SLC2A13: variants seen among roughly 807,000 people sequenced by gnomAD.
SLC2A13 encodes proton myo-inositol cotransporter.
SLC2A13 carries 32 observed loss-of-function variants against 64.4 expected under a neutral mutation model. The observed-to-expected ratio is 0.50, with a 90% CI of 0.37 to 0.67. SLC2A13 has a LOEUF of 0.67. SLC2A13 is among the 30% of genes least tolerant of loss of function. SLC2A13 has a pLI of 0.00. For missense variants in SLC2A13, 743 were observed against 829.2 expected (o/e 0.90, Z 1.28); for synonymous variants, 338 against 327.1 (o/e 1.03, Z -0.36).
chr12:40,011,415 T>C (rs1947529484), intron 3 of SLC2A13, among the ~76,000 whole-genome samples: 1 of 152,212 alleles, frequency 6.6e-6, no homozygotes, highest in South Asian at 2.1e-4. Flanking sequence ...TAAACTTTCT[T>C]GGGTCCTTCC....
At chr12:40,005,374 G>A (rs28370825) in intron 3 of SLC2A13, among the ~76,000 whole-genome samples, 1 of 152,254 alleles carries the variant, frequency 6.6e-6, no homozygotes, top group East Asian at 1.9e-4. Context: ...CAGGCATCTG[G>A]AGGCTCCTAG....
At chr12:39,808,742 T>C (rs76594613) in intron 7 of SLC2A13, among the ~76,000 whole-genome samples, 1,808 of 152,284 alleles carry the variant, frequency 0.012, 37 homozygotes, top group African/African-American at 0.04. Context: ...GTGACTTGTC[T>C]GTTCAAATCT....
chr12:39,769,864 C>A (rs1185560798), intron 7 of SLC2A13, among the ~76,000 whole-genome samples: 3 of 152,094 alleles, frequency 2.0e-5, no homozygotes, highest in Admixed American at 6.6e-5. Context: ...CTCTCCCACC[C>A]TCCCAGATGC....
At chr12:40,086,020 G>A (rs776010635) in intron 1 of SLC2A13, among the ~76,000 whole-genome samples, 1 of 152,134 alleles carries the variant, frequency 6.6e-6, no homozygotes. Flanking sequence ...TGTATTTTTA[G>A]TAGCGACAGG....
At chr12:39,896,101 T>C (rs952439580) in intron 4 of SLC2A13, among the ~76,000 whole-genome samples, 3 of 149,312 alleles carry the variant, frequency 2.0e-5, no homozygotes, top group African/African-American at 7.4e-5. Flanking sequence ...TATACACGTG[T>C]ATACATATAT....
intron 6 of SLC2A13, among the ~76,000 whole-genome samples, chr12:39,838,894 G>C (rs575434686): frequency 2.6e-5 from 4 of 152,188 alleles, no homozygotes; most frequent in Middle Eastern, 3.4e-3. Context: ...GGAGCACTAA[G>C]AACAGTGTTT....
At chr12:39,844,616 A>G (rs1425093287) in intron 6 of SLC2A13, among the ~76,000 whole-genome samples, 4 of 152,060 alleles carry the variant, frequency 2.6e-5, no homozygotes, top group Non-Finnish European at 1.5e-5. Context: ...AGTGTTTTGT[A>G]TTTAGTATCC....
chr12:40,002,868 A>C (rs1051932847), intron 3 of SLC2A13, among the ~76,000 whole-genome samples: 1 of 152,038 alleles, frequency 6.6e-6, no homozygotes, highest in African/African-American at 2.4e-5. Context: ...AAATGGGAGA[A>C]GGAACTTCAT....
intron 7 of SLC2A13, among the ~76,000 whole-genome samples, chr12:39,792,374 T>C (rs1210538461): frequency 6.6e-6 from 1 of 151,612 alleles, no homozygotes; most frequent in Non-Finnish European, 1.5e-5. Flanking sequence ...AATTGACAAA[T>C]GGGATCTAAT....
intron 3 of SLC2A13, among the ~76,000 whole-genome samples, chr12:39,997,174 G>A (rs958517343): frequency 1.9e-4 from 29 of 152,252 alleles, no homozygotes; most frequent in Admixed American, 1.8e-3. Flanking sequence ...CATTATACCA[G>A]TATAAAAATA....
intron 7 of SLC2A13, among the ~76,000 whole-genome samples, chr12:39,799,909 T>C (rs1420964401): frequency 6.6e-6 from 1 of 152,186 alleles, no homozygotes; most frequent in Admixed American, 6.6e-5. Context: ...AACAGAATAA[T>C]GTGTCACCTG....
chr12:39,771,362 C>T (rs1482541349), intron 7 of SLC2A13, among the ~76,000 whole-genome samples: 1 of 152,154 alleles, frequency 6.6e-6, no homozygotes, highest in Non-Finnish European at 1.5e-5. Context: ...GTCTCTCATT[C>T]CCTTGCTGGT....
chr12:39,879,056 AG>A (rs1319242569), intron 4 of SLC2A13, among the ~76,000 whole-genome samples: 1 of 152,288 alleles, frequency 6.6e-6, no homozygotes, highest in Non-Finnish European at 1.5e-5. Context: ...CCACAGCTCC[AG>A]AAGGTGCAAG....
intron 3 of SLC2A13, among the ~76,000 whole-genome samples, chr12:40,007,442 T>C (rs934225863): frequency 6.6e-6 from 1 of 152,168 alleles, no homozygotes; most frequent in Non-Finnish European, 1.5e-5. Context: ...ACAAAATTAA[T>C]TGACTGTCCA....
intron 7 of SLC2A13, among the ~76,000 whole-genome samples, chr12:39,828,197 A>G (rs1175125091): frequency 2.0e-5 from 3 of 152,224 alleles, no homozygotes; most frequent in African/African-American, 7.2e-5. Context: ...GGTAACCAAT[A>G]GCAGTGGTCC....
chr12:40,102,273 A>C (rs1939176553), intron 1 of SLC2A13, among the ~76,000 whole-genome samples: 1 of 152,232 alleles, frequency 6.6e-6, no homozygotes, highest in Admixed American at 6.5e-5. Context: ...CCATAATGGA[A>C]GCTTAATTAG....
chr12:39,782,571 C>A (rs1941031954), intron 7 of SLC2A13, among the ~76,000 whole-genome samples: 1 of 152,076 alleles, frequency 6.6e-6, no homozygotes, highest in East Asian at 1.9e-4. Context: ...TCTTTATCAG[C>A]AGCATGAAAA....
chr12:40,061,007 T>TA (rs1327958096), intron 1 of SLC2A13, among the ~76,000 whole-genome samples: 1 of 152,108 alleles, frequency 6.6e-6, no homozygotes, highest in East Asian at 1.9e-4. Flanking sequence ...AGAATAAAGA[T>TA]AAAGATATTA....
chr12:39,889,136 TATC>T (rs1443940303), intron 4 of SLC2A13, among the ~76,000 whole-genome samples: 1 of 152,136 alleles, frequency 6.6e-6, no homozygotes, highest in Non-Finnish European at 1.5e-5. Context: ...TGTTGGCTCA[TATC>T]ATATTATTTC....
Sources: gnomAD v4.1 joint callset for allele counts (sites outside exome capture counted in the v4.1 genomes callset) on GRCh38, gnomAD v4.1.1 for gene constraint, MANE v1.5 for transcripts, NCBI Gene and HGNC (gene_info 2026-07-23, HGNC 2026-07-21) for gene names.